Variants in ENTPD7 observed in about 807,000 individuals in gnomAD.
ENTPD7 encodes ectonucleoside triphosphate diphosphohydrolase 7, also known as NTPDase 7.
Under a neutral mutation model 77.9 loss-of-function variants are expected in ENTPD7, and 53 were observed. The observed-to-expected ratio is 0.68, with a 90% CI of 0.55 to 0.85. ENTPD7 has a LOEUF of 0.85. ENTPD7 is among the 40% of genes least tolerant of loss of function. ENTPD7 has a pLI of 0.00. For missense variants in ENTPD7, 636 were observed against 743.7 expected (o/e 0.86, Z 1.68); for synonymous variants, 248 against 274.9 (o/e 0.90, Z 0.97).
chr10:99,665,910 G>T (rs1382211052), intron 3 of ENTPD7, among the ~76,000 whole-genome samples: 1 of 152,126 alleles, frequency 6.6e-6, no homozygotes, highest in Non-Finnish European at 1.5e-5. Flanking sequence ...CTGCCCTTAA[G>T]AAATGTACTA....
chr10:99,666,095 A>T (rs907968844), intron 3 of ENTPD7, among the ~76,000 whole-genome samples: 15 of 152,198 alleles, frequency 9.9e-5, no homozygotes, highest in Non-Finnish European at 1.8e-4. Flanking sequence ...GTATGGCTGG[A>T]GAGCTAGATC....
chr10:99,680,256 G>A (rs1288507062), intron 5 of ENTPD7, among the ~76,000 whole-genome samples: 1 of 152,162 alleles, frequency 6.6e-6, no homozygotes. Flanking sequence ...GGCAATAACT[G>A]GGGGAGTCCC....
chr10:99,667,375 A>G (rs764923909), intron 3 of ENTPD7, among the ~76,000 whole-genome samples: 2 of 152,230 alleles, frequency 1.3e-5, no homozygotes, highest in Admixed American at 6.5e-5. Context: ...CCCTGAACTC[A>G]AGGAGTTCGT....
intron 3 of ENTPD7, among the ~76,000 whole-genome samples, chr10:99,676,366 A>G (rs114542852): frequency 0.014 from 2,184 of 152,220 alleles, 56 homozygotes; most frequent in African/African-American, 0.049. Context: ...ATAAGTTTTA[A>G]GATTATAAAG....
chr10:99,704,477 C>G lies in ENTPD7; in HGVS notation c.1609C>G (p.Gln537Glu), dbSNP rs775220542. The G allele has an allele frequency of 1.2e-6, 2 of 1,614,246 alleles. No individual in the cohort carries two copies. The highest frequency in any genetic ancestry group is 1.7e-6 in the Non-Finnish European group (2 of 1,180,028). The change falls in exon 13 of 13, where the codon CAA becomes GAA. Residue 537 changes from glutamine (Q) to glutamate (E), a missense_variant. Gln to Glu is a conservative substitution (Grantham distance 29). Transcript: ENST00000370489. ...GGATCTTCGGCAGGAAGGTGTCCGA[C>G]AAGCCCATGGTAGCTGGTTCCGTCT... The part of the protein sequence containing the change: ...LRDLRQEGVR[Q>E]AHGSWFRLSF...
intron 5 of ENTPD7, 134 bp from the exon 6 acceptor site, chr10:99,685,658 A>C (rs2035802199): frequency 3.2e-6 from 2 of 621,194 alleles, no homozygotes; most frequent in East Asian, 2.8e-5. Context: ...TACCAAAAAG[A>C]AGCAGGGCTG....
rs533191690 is a variant in ENTPD7, at chr10:99,698,465, G to C, written c.1011-69G>C. 67 of 1,460,144 alleles carry C rather than the reference G, an allele frequency of 4.6e-5. No individual in the cohort carries two copies. The Middle Eastern group carries it at 1.1e-3, about 23-fold the overall frequency. The allele number at this position is 1,460,144 out of a possible 1,614,324, so 90.4% of individuals were successfully genotyped here. A position where few individuals can be genotyped will look rare whatever the true frequency, so the allele number is the denominator to read the frequency against. ...GTAAGATATTTCTGATGCACATTGTGTTTCTTAGACTAGGTTGAATACAGG... is the reference window on the plus strand; with the variant it reads ...GTAAGATATTTCTGATGCACATTGTCTTTCTTAGACTAGGTTGAATACAGG... On this transcript the variant is annotated intron_variant, in intron 9 of 12. Transcript: ENST00000370489.
rs71472510 is a variant in ENTPD7, at chr10:99,669,740, G to GTTTTTTTT, written c.191+8132_191+8139dup. ...GAATAATACTTGTGTTAGATGTGTG[G>GTTTTTTTT]TTTTTTTTTTTTTTTTTTTTTTTTT... is the stretch of plus-strand genomic sequence containing the variant. On this transcript the variant is annotated intron_variant, in intron 3 of 12. Coordinates refer to ENST00000370489, the MANE Select transcript of ENTPD7 (RefSeq NM_020354.5). Among the ~76,000 whole-genome samples, 22 of 59,302 alleles carry GTTTTTTTT rather than the reference G, an allele frequency of 3.7e-4. 2 individuals carry two copies. Among genetic ancestry groups the GTTTTTTTT allele is most frequent in the African/African-American group, 1.1e-3 (17 of 15,032 alleles). The allele number at this position is 59,302 out of a possible 152,430, so 38.9% of individuals were successfully genotyped here.
At chr10:99,674,587 A>G (rs919340183) in intron 3 of ENTPD7, among the ~76,000 whole-genome samples, 13 of 152,354 alleles carry the variant, frequency 8.5e-5, no homozygotes, top group Middle Eastern at 3.4e-3. Flanking sequence ...TACTTAGCGT[A>G]ATATCCTGAA....
chr10:99,683,767 G>GA (rs150501288), intron 5 of ENTPD7, among the ~76,000 whole-genome samples: 2,176 of 152,218 alleles, frequency 0.014, 60 homozygotes, highest in African/African-American at 0.049. Flanking sequence ...TATACATGTA[G>GA]ATATAAGTAG....
rs970403449 is a variant in ENTPD7, at chr10:99,705,442, T to G, written c.*759T>G. 9.8e-5 allele frequency: 15 copies of G among 152,380 alleles called. No homozygotes were observed. The highest frequency in any genetic ancestry group is 3.6e-4 in the African/African-American group (15 of 41,472). 9.4% of individuals were successfully genotyped at this position (152,380 alleles called of 1,614,324 possible). A position where few individuals can be genotyped will look rare whatever the true frequency, so the allele number is the denominator to read the frequency against. ...GCTGTTTGGGCATTAATTTTGCTTT[T>G]TGAGCCTTAAGTGTGTTAGTAGGAT... On this transcript the variant is annotated 3_prime_UTR_variant, in exon 13 of 13. Coordinates refer to ENST00000370489, the MANE Select transcript of ENTPD7 (RefSeq NM_020354.5).
chr10:99,693,322 T>C (rs1477040075), intron 8 of ENTPD7, among the ~76,000 whole-genome samples: 2 of 152,154 alleles, frequency 1.3e-5, no homozygotes, highest in African/African-American at 2.4e-5. Context: ...AAGGAACATA[T>C]ATGTCAGAAT....
chr10:99,670,458 T>C (rs2035606940), intron 3 of ENTPD7, among the ~76,000 whole-genome samples: 1 of 152,156 alleles, frequency 6.6e-6, no homozygotes, highest in African/African-American at 2.4e-5. Context: ...CATACAGTCG[T>C]GTGTTATATA....
chr10:99,691,595 G>C, intron 8 of ENTPD7, 77 bp downstream of exon 8: 2 of 1,508,960 alleles, frequency 1.3e-6, no homozygotes, highest in Non-Finnish European at 1.8e-6. Flanking sequence ...TTTGGACTTA[G>C]ACCAACCTAC....
chr10:99,679,764 A>T lies in ENTPD7; in HGVS notation c.437A>T (p.Asp146Val), dbSNP rs759251122. The T allele has an allele frequency of 3.8e-5, 62 of 1,614,020 alleles. No homozygotes were observed. The highest frequency in any genetic ancestry group is 5.3e-5 in the Non-Finnish European group (62 of 1,180,030). The change falls in exon 5 of 13, where the codon GAT becomes GTT. Residue 146 changes from aspartate (D) to valine (V), a missense_variant. This residue lies in a region of ENTPD7 where 486 missense variants were observed against 556.5 expected (regional missense o/e 0.87). Transcript: ENST00000370489. ...AMADTPEHAS[D>V]YLRPLLSFAA... ...GCAGACACTCCAGAACATGCCAGTG[A>T]TTACCTTCGTCCTCTGCTGAGCTTT...
chr10:99,709,395 G>A lies in ENTPD7; in HGVS notation c.*4712G>A. The A allele has an allele frequency of 9.1e-6, 9 of 985,394 alleles. No homozygotes were observed. The highest frequency in any genetic ancestry group is 1.1e-5 in the Non-Finnish European group (9 of 829,918). 61.0% of individuals were successfully genotyped at this position (985,394 alleles called of 1,614,324 possible). A position where few individuals can be genotyped will look rare whatever the true frequency, so the allele number is the denominator to read the frequency against. On this transcript the variant is annotated 3_prime_UTR_variant, in exon 13 of 13. Transcript: ENST00000370489. ...AGATGTTTCAAATTCTCCCATATTAGTCTCTTAGGGACGCTAGCTCCAGAT... is the reference window on the plus strand; with the variant it reads ...AGATGTTTCAAATTCTCCCATATTAATCTCTTAGGGACGCTAGCTCCAGAT...
At chr10:99,680,119 G>A (rs780723371) in intron 5 of ENTPD7, among the ~76,000 whole-genome samples, 1 of 152,150 alleles carries the variant, frequency 6.6e-6, no homozygotes, top group Non-Finnish European at 1.5e-5. Context: ...TTGGATCATC[G>A]GGCACATAGA....
intron 2 of ENTPD7, among the ~76,000 whole-genome samples, chr10:99,660,722 CAGGACCA>C (rs1237641938): frequency 1.3e-5 from 2 of 152,114 alleles, no homozygotes; most frequent in Non-Finnish European, 2.9e-5. Flanking sequence ...GTCAGGAGTT[CAGGACCA>C]GCCTGGCCAA....
rs2035805395 is a variant in ENTPD7, at chr10:99,685,875, TG to T, written c.633del (p.Ile212SerfsTer43). On this transcript the variant is annotated frameshift_variant, in exon 6 of 13. Coordinates refer to ENST00000370489, the MANE Select transcript of ENTPD7 (RefSeq NM_020354.5). LOFTEE classifies it high-confidence loss of function. ...DFLFSQSQAEVISGKQEGVYA... is the reference protein window; with the variant it reads ...DFLFSQSQAEXISGKQEGVYA... ...CTCTTTTCACAGTCTCAAGCAGAAG[TG>T]ATCTCTGGGAAGCAGGAAGGTACTG... is the stretch of plus-strand genomic sequence containing the variant. The T allele has an allele frequency of 1.9e-6, 3 of 1,613,540 alleles. No individual in the cohort carries two copies. The African/African-American group carries it at 4.0e-5, about 22-fold the overall frequency.
Sources: allele counts gnomAD v4.1 joint callset (sites outside exome capture counted in the v4.1 genomes callset), GRCh38; gene constraint gnomAD v4.1.1; regional missense constraint gnomAD v4.1.1; transcripts MANE v1.5; gene names NCBI Gene and HGNC (gene_info 2026-07-23, HGNC 2026-07-21).